Variants in PHC2 observed in about 807,000 individuals in gnomAD.
PHC2 encodes polyhomeotic homolog 2, also known as polyhomeotic-like protein 2.
Under a neutral mutation model 87.4 loss-of-function variants are expected in PHC2, and 29 were observed. The ratio of observed to expected loss-of-function variants is 0.33; its 90% CI spans 0.25 to 0.45. The LOEUF (loss-of-function observed/expected upper bound fraction) is 0.45, where lower values mean the gene tolerates loss of function less well. PHC2 is among the 20% of genes least tolerant of loss of function. The pLI, the probability that PHC2 is intolerant of heterozygous loss-of-function variation, is 1.00. For synonymous variants in PHC2, 438 were observed against 461.7 expected, an observed-to-expected ratio of 0.95 and a Z score of 0.66; for missense variants, 857 against 1,136.7, an observed-to-expected ratio of 0.75 and a Z score of 3.54.
In PHC2 at chr1:33,332,797, A is replaced by T. The variant is rs548050303; in HGVS notation, c.1762-393T>A. Among the ~76,000 whole-genome samples, 26 of 152,194 alleles carry T rather than the reference A, an allele frequency of 1.7e-4. No homozygotes were observed. The highest frequency in any genetic ancestry group is 6.3e-4 in the African/African-American group (26 of 41,526). Reference sequence around the variant, plus strand: ...GTGTGAGGCTGTACATACGAGAGAGAGACTCAGCACCCATTTTCTGATTTT... The same window carrying T: ...GTGTGAGGCTGTACATACGAGAGAGTGACTCAGCACCCATTTTCTGATTTT... On this transcript the variant is annotated intron_variant, in intron 10 of 14. Transcript: ENST00000683057. The surrounding 1 kb of genome is among the most constrained non-coding windows in gnomAD (Gnocchi z 4.2).
chr1:33,334,620 G>A lies in PHC2; in HGVS notation c.1559-328C>T, dbSNP rs190022674. ...TCTTTGAGGAGTTAAGACCTTGGTC[G>A]ATACTGATTTGAACAAATAAGGTTA... On this transcript the variant is annotated intron_variant, in intron 9 of 14. Transcript: ENST00000683057. The surrounding 1 kb of genome is among the most constrained non-coding windows in gnomAD (Gnocchi z 5.5). Among the ~76,000 whole-genome samples the A allele has an allele frequency of 4.3e-4, 65 of 152,360 alleles. No individual in the cohort carries two copies. The highest frequency in any genetic ancestry group is 1.5e-3 in the African/African-American group (63 of 41,590).
chr1:33,420,418 G>C (rs1314468544), intron 1 of PHC2, among the ~76,000 whole-genome samples: 1 of 152,060 alleles, frequency 6.6e-6, no homozygotes, highest in South Asian at 2.1e-4. Context: ...AGAGAAACTA[G>C]ACTTGGTGAT....
rs769943135 is a variant in PHC2 at position 33,375,372 on chromosome 1, G to A, written c.168C>T (p.Thr56=). 35 of 1,576,208 alleles carry A rather than the reference G, an allele frequency of 2.2e-5. No homozygotes were observed. Among genetic ancestry groups the A allele is most frequent in the Middle Eastern group, 1.7e-4 (1 of 5,930 alleles). The part of the protein sequence containing the change: ...SVYSGIPDRQ[T]VQVIQQALHR... Reference sequence around the variant, plus strand: ...AGATCAATTAGACTCTTACCTGCACGGTCTGCCGGTCTGGAATACCACTGT... The same window carrying A: ...AGATCAATTAGACTCTTACCTGCACAGTCTGCCGGTCTGGAATACCACTGT... The change falls in exon 2 of 15, where the codon ACC becomes ACT. Residue 56 remains threonine (T), a synonymous_variant. Coordinates refer to ENST00000683057, the MANE Select transcript of PHC2 (RefSeq NM_001385109.1).
chr1:33,410,792 T>A (rs1649952325), intron 1 of PHC2, among the ~76,000 whole-genome samples: 1 of 152,224 alleles, frequency 6.6e-6, no homozygotes. Flanking sequence ...GCATTGATTT[T>A]AAAATACCTT....
At chr1:33,409,060 T>A (rs905119261) in intron 1 of PHC2, among the ~76,000 whole-genome samples, 1 of 152,206 alleles carries the variant, frequency 6.6e-6, no homozygotes, top group African/African-American at 2.4e-5. Context: ...TGTTCAATCA[T>A]GAGTAGCTTA....
At chr1:33,394,355 T>TA (rs34437465) in intron 1 of PHC2, among the ~76,000 whole-genome samples, 26,229 of 150,922 alleles carry the variant, frequency 0.17, 2,769 homozygotes, top group South Asian at 0.27. Context: ...GTTTTCAAAG[T>TA]AAAAAAAAAG....
chr1:33,377,685 C>T (rs918891938), intron 1 of PHC2, among the ~76,000 whole-genome samples: 2 of 151,742 alleles, frequency 1.3e-5, no homozygotes, highest in African/African-American at 4.8e-5. Flanking sequence ...AGAGTATACC[C>T]ATTTAATAGG....
intron 10 of PHC2, 188 bp downstream of exon 10, chr1:33,333,902 C>G: frequency 1.7e-6 from 1 of 585,836 alleles, no homozygotes; most frequent in Non-Finnish European, 3.0e-6. Context: ...TGATCACTGA[C>G]CCCCCTCTTC....
At chr1:33,408,646 T>C (rs1221637718) in intron 1 of PHC2, among the ~76,000 whole-genome samples, 1 of 152,094 alleles carries the variant, frequency 6.6e-6, no homozygotes, top group Non-Finnish European at 1.5e-5. Context: ...TTTGTTTTTT[T>C]AGTAGAGACG....
In PHC2 at chr1:33,364,412, A is replaced by ACACG. The variant is rs36097253; in HGVS notation, c.976+2703_976+2704insCGTG. ...CTTTCACACACACACACACACACAC[A>ACACG]CACACACACACACGCTCAAGCACGC... is the stretch of plus-strand genomic sequence containing the variant. On this transcript the variant is annotated intron_variant, in intron 7 of 14. Transcript: ENST00000683057. The surrounding 1 kb of genome is among the most constrained non-coding windows in gnomAD (Gnocchi z 4.1). 2.1e-5 allele frequency among the ~76,000 whole-genome samples: 3 copies of ACACG among 139,540 alleles called. No individual in the cohort carries two copies. Among genetic ancestry groups the ACACG allele is most frequent in the Non-Finnish European group, 3.2e-5 (2 of 61,902 alleles). 91.5% of individuals were successfully genotyped at this position (139,540 alleles called of 152,430 possible). A position where few individuals can be genotyped will look rare whatever the true frequency, so the allele number is the denominator to read the frequency against.
At position 33,370,523 on chromosome 1, in the gene PHC2, A is replaced by T. The variant is rs775783632; in HGVS notation, c.474T>A (p.Ser158=). 4 of 1,614,128 alleles carry T rather than the reference A, an allele frequency of 2.5e-6. No homozygotes were observed. In the Admixed American group the frequency reaches 6.7e-5, roughly 27 times the overall value. The change falls in exon 5 of 15, where the codon TCT becomes TCA. Residue 158 remains serine (S), a synonymous_variant. Coordinates refer to ENST00000683057, the MANE Select transcript of PHC2 (RefSeq NM_001385109.1). The stretch of plus-strand genomic sequence containing the variant: ...GCTGAGCGATGCCTGAGGCTGCTGC[A>T]GAGTTCACACTCTGGGCCCGGTTGA... The part of the protein sequence containing the change: ...QLLNRAQSVN[S]AAASGIAQQA...
At position 33,331,460 on chromosome 1, in the gene PHC2, A is replaced by G; in HGVS notation, c.1894T>C (p.Ser632Pro). Residue 632 changes from serine to proline, a missense_variant and splice_region_variant, in exon 12 of 15, where the codon TCC becomes CCC. Ser to Pro is a moderately conservative substitution (Grantham distance 74, BLOSUM62 -1). Around this residue, in one of 3 missense-constraint regions of PHC2, gnomAD observed 832 missense variants for 1,081.8 expected, o/e 0.77. Transcript: ENST00000683057. The surrounding 1 kb of genome is among the most constrained non-coding windows in gnomAD (Gnocchi z 5.2). ...SEMEEPYLQE[S>P]KEEGAPLKLK... ...TTGAGGGGAGCACCCTCCTCTTTGG[A>G]TTCTGAAAAGTATAGAAATGGGTAG... The G allele has an allele frequency of 6.3e-7, 1 of 1,582,358 alleles. No individual in the cohort carries two copies. Among genetic ancestry groups the G allele is most frequent in the South Asian group, 1.1e-5 (1 of 90,340 alleles).
At chr1:33,392,997 GCCA>G (rs1649133680) in intron 1 of PHC2, among the ~76,000 whole-genome samples, 2 of 152,158 alleles carry the variant, frequency 1.3e-5, no homozygotes, top group African/African-American at 4.8e-5. Context: ...GACTATTGAA[GCCA>G]GGCACATGCT....
chr1:33,424,961 A>C (rs918058392), intron 1 of PHC2, among the ~76,000 whole-genome samples: 3 of 150,734 alleles, frequency 2.0e-5, no homozygotes, highest in African/African-American at 7.2e-5. Context: ...ATGAATTATC[A>C]AGAATTGAGT....
chr1:33,393,091 AGAC>A (rs1649140468), intron 1 of PHC2, among the ~76,000 whole-genome samples: 2 of 152,196 alleles, frequency 1.3e-5, no homozygotes, highest in African/African-American at 4.8e-5. Context: ...TTCCACAGAC[AGAC>A]ACTCAGGGAG....
chr1:33,335,057 G>C, intron 9 of PHC2: 1 of 310,794 alleles, frequency 3.2e-6, no homozygotes, highest in Non-Finnish European at 4.7e-6. Context: ...CCAAATCATA[G>C]ATCCTCTGTC....
intron 1 of PHC2, among the ~76,000 whole-genome samples, chr1:33,403,393 G>T (rs955453058): frequency 1.1e-4 from 16 of 152,024 alleles, no homozygotes; most frequent in Admixed American, 2.6e-4. Flanking sequence ...CCAAAATGCT[G>T]GGATTACAGG....
In PHC2 at chr1:33,334,308, T is replaced by C. The variant is rs759244914; in HGVS notation, c.1559-16A>G. On this transcript the variant is annotated splice_polypyrimidine_tract_variant and intron_variant, in intron 9 of 14. Coordinates refer to ENST00000683057, the MANE Select transcript of PHC2 (RefSeq NM_001385109.1). The surrounding 1 kb of genome is among the most constrained non-coding windows in gnomAD (Gnocchi z 5.5). ...TGCCCTGTCTCTGCACGAGAGAGAG[T>C]AGGAAAACAAAGCAGGGGAGATCAG... 3 of 1,607,632 alleles carry C rather than the reference T, an allele frequency of 1.9e-6. No homozygotes were observed. The highest frequency in any genetic ancestry group is 2.7e-5 in the African/African-American group (2 of 74,314).
intron 1 of PHC2, among the ~76,000 whole-genome samples, chr1:33,422,263 A>G (rs147702668): frequency 7.1e-6 from 1 of 140,466 alleles, no homozygotes; most frequent in African/African-American, 3.2e-5. Flanking sequence ...TAATGTTTCC[A>G]TGTCTTTCTT....
Sources: gnomAD v4.1 joint callset for allele counts (sites outside exome capture counted in the v4.1 genomes callset) on GRCh38, gnomAD v4.1.1 for gene constraint, gnomAD v4.1.1 regional missense constraint, Gnocchi (gnomAD v3.1) non-coding constraint, MANE v1.5 for transcripts, NCBI Gene and HGNC (gene_info 2026-07-23, HGNC 2026-07-21) for gene names.